The following APC variants were observed in gnomAD, a reference collection of about 807,000 sequenced individuals.
APC encodes the protein adenomatous polyposis coli protein.
In APC, 72 loss-of-function variants were observed where a neutral mutation model predicts 247.0. The ratio of observed to expected loss-of-function variants is 0.29; its 90% CI spans 0.24 to 0.35. The LOEUF (loss-of-function observed/expected upper bound fraction) is 0.35. Ranked by LOEUF, APC falls within the 10% of genes least tolerant of loss-of-function variation. The pLI is 1.00. For synonymous variants in APC, 1,254 were observed against 1,162.5 expected, an observed-to-expected ratio of 1.08 and a Z score of -1.60; for missense variants, 3,400 against 3,360.7, an observed-to-expected ratio of 1.01 and a Z score of -0.29.
intron 1 of APC, 65 bp downstream of exon 1, chr5:112,737,990 G>C: frequency 1.1e-6 from 1 of 943,888 alleles, no homozygotes; most frequent in Non-Finnish European, 1.3e-6. Flanking sequence ...GTTTTCCCTC[G>C]CACTGTCTTA....
rs191341183 is a variant in APC, at chr5:112,785,827, T to C, written c.645+4924T>C. On this transcript the variant is annotated intron_variant, in intron 6 of 15. Transcript: ENST00000257430. ...TTACCTCACATCTTAAGAAAAGTTA[T>C]AGGTTGATTAGCTATTCAAATGTGA... 9.1e-4 allele frequency among the ~76,000 whole-genome samples: 138 copies of C among 152,270 alleles called. 1 individual carries two copies. Among genetic ancestry groups the C allele is most frequent in the African/African-American group, 2.8e-3 (117 of 41,562 alleles).
intron 6 of APC, among the ~76,000 whole-genome samples, chr5:112,781,369 C>T (rs1758331629): frequency 6.6e-6 from 1 of 152,056 alleles, no homozygotes; most frequent in Admixed American, 6.5e-5. Flanking sequence ...ATATTTCTAC[C>T]CTCAATGTCA....
At position 112,839,354 on chromosome 5, in the gene APC, A is replaced by G. The variant is rs769504783; in HGVS notation, c.3760A>G (p.Ile1254Val). The change falls in exon 16 of 16, where the codon ATT (isoleucine) becomes GTT (valine). Residue 1254 changes from isoleucine (I) to valine (V), a missense_variant. Transcript: ENST00000257430. This position sits in a 1 kb window ranked among gnomAD's most constrained non-coding sequence, Gnocchi z 5.0. The stretch of plus-strand genomic sequence containing the variant: ...GGCTGCCACTTGCAAAGTTTCTTCT[A>G]TTAACCAAGAAACAATACAGACTTA... ...QKAATCKVSS[I>V]NQETIQTYCV... The G allele has an allele frequency of 5.6e-6, 9 of 1,613,112 alleles. No individual in the cohort carries two copies. Among genetic ancestry groups the G allele is most frequent in the East Asian group, 2.2e-5 (1 of 44,892 alleles).
At chr5:112,818,834 G>GTTT in intron 9 of APC, 132 bp from the exon 10 acceptor site, 3 of 313,254 alleles carry the variant, frequency 9.6e-6, no homozygotes, top group African/African-American at 4.6e-5. Context: ...CCGGTTTTTT[G>GTTT]TTTTTTTTTT....
chr5:112,780,929 A>C, intron 6 of APC, 26 bp downstream of exon 6: 2 of 1,449,122 alleles, frequency 1.4e-6, no homozygotes, highest in Non-Finnish European at 1.9e-6. Context: ...CTAAGTGATA[A>C]AACAGCGAAG....
chr5:112,746,223 C>T (rs1753657606), intron 1 of APC, among the ~76,000 whole-genome samples: 1 of 151,930 alleles, frequency 6.6e-6, no homozygotes, highest in Admixed American at 6.6e-5. Flanking sequence ...ACAGAAGAAA[C>T]TTTAAAATAC....
chr5:112,795,355 C>T (rs1333242455), intron 7 of APC, among the ~76,000 whole-genome samples: 1 of 152,154 alleles, frequency 6.6e-6, no homozygotes, highest in Non-Finnish European at 1.5e-5. Context: ...ATTCACCAAT[C>T]AGAAAGCTGC....
intron 1 of APC, among the ~76,000 whole-genome samples, chr5:112,745,415 T>G (rs898519067): frequency 9.2e-5 from 14 of 152,096 alleles, no homozygotes; most frequent in Non-Finnish European, 2.1e-4. Flanking sequence ...GAACACTTCA[T>G]ACTAAAACTT....
chr5:112,713,186 A>C (rs1270355060), intron 1 of APC, among the ~76,000 whole-genome samples: 1 of 151,474 alleles, frequency 6.6e-6, no homozygotes, highest in South Asian at 2.1e-4. Flanking sequence ...AAAAAAAAAA[A>C]CCAGTATCTC....
At chr5:112,837,394 A>G (rs1765048070) in intron 15 of APC, among the ~76,000 whole-genome samples, 159 bp from the exon 16 acceptor site, 1 of 119,540 alleles carries the variant, frequency 8.4e-6, no homozygotes, top group South Asian at 3.3e-4. Context: ...TAAAACATTA[A>G]ACATTACATG....
rs143049110 is a variant in APC, at chr5:112,711,887, T to TA, written c.165+4015dup. On this transcript the variant is annotated intron_variant, in intron 1 of 13. Transcript: ENST00000507379. Reference sequence around the variant, plus strand: ...TTTGGGCTTTAGACTTCCCTTCTAATAAAAAAAAAATTGCCACCAATGATG... The same window carrying TA: ...TTTGGGCTTTAGACTTCCCTTCTAATAAAAAAAAAAATTGCCACCAATGATG... Among the ~76,000 whole-genome samples, 107 of 150,060 alleles carry TA rather than the reference T, an allele frequency of 7.1e-4. 1 individual carries two copies. The Middle Eastern group carries it at 0.01, about 15-fold the overall frequency.
At position 112,745,130 on chromosome 5, in the gene APC, G is replaced by A. The variant is rs79655915; in HGVS notation, c.-19+7205G>A. Among the ~76,000 whole-genome samples the A allele has an allele frequency of 6.6e-6, 1 of 151,670 alleles. No homozygotes were observed. Among genetic ancestry groups the A allele is most frequent in the Admixed American group, 6.6e-5 (1 of 15,260 alleles). ...ATATATAGGATTTAAATAATATGCT[G>A]GTCAGTTATAGAACTTTATATACTT... On this transcript the variant is annotated intron_variant, in intron 1 of 15. Transcript: ENST00000257430.
At chr5:112,801,154 C>T (rs1431270044) in intron 7 of APC, 125 bp from the exon 8 acceptor site, 1 of 687,468 alleles carries the variant, frequency 1.5e-6, no homozygotes, top group Non-Finnish European at 2.6e-6. Flanking sequence ...ATACACAGTT[C>T]CATGCCTTTA....
chr5:112,741,548 T>A (rs1159979494), intron 1 of APC, among the ~76,000 whole-genome samples: 2 of 152,196 alleles, frequency 1.3e-5, no homozygotes, highest in African/African-American at 2.4e-5. Flanking sequence ...CATAAATTCT[T>A]GAGAAATAGC....
At chr5:112,809,068 G>C (rs1761712181) in intron 8 of APC, among the ~76,000 whole-genome samples, 1 of 152,104 alleles carries the variant, frequency 6.6e-6, no homozygotes, top group Non-Finnish European at 1.5e-5. Context: ...AAGCAGAAAT[G>C]CACCTGGGTG....
chr5:112,738,305 C>T (rs1485371411), intron 1 of APC: 2 of 985,348 alleles, frequency 2.0e-6, no homozygotes, highest in Non-Finnish European at 2.4e-6. Context: ...TGGCGAGGAG[C>T]AAAAGCTCTA....
chr5:112,785,985 A>G (rs1758903097), intron 6 of APC, among the ~76,000 whole-genome samples: 1 of 152,238 alleles, frequency 6.6e-6, no homozygotes, highest in African/African-American at 2.4e-5. Context: ...TCATTGCACA[A>G]AAGATAAATT....
At chr5:112,795,503 ACT>A (rs906888329) in intron 7 of APC, among the ~76,000 whole-genome samples, 2 of 152,018 alleles carry the variant, frequency 1.3e-5, no homozygotes, top group South Asian at 2.1e-4. Context: ...CAAAGTTCTA[ACT>A]CTCTTATCAC....
intron 10 of APC, among the ~76,000 whole-genome samples, chr5:112,821,222 T>C (rs1763093612): frequency 6.6e-6 from 1 of 152,080 alleles, no homozygotes; most frequent in Non-Finnish European, 1.5e-5. Flanking sequence ...AATTATAAAC[T>C]GGGCTAAGCA....
Sources: allele counts gnomAD v4.1 joint callset (sites outside exome capture counted in the v4.1 genomes callset), GRCh38; gene constraint gnomAD v4.1.1; non-coding constraint Gnocchi (gnomAD v3.1); transcripts MANE v1.5; gene names NCBI Gene and HGNC (gene_info 2026-07-23, HGNC 2026-07-21).